STPG2: variants seen among roughly 807,000 people sequenced by gnomAD.
STPG2 encodes sperm tail PG-rich repeat containing 2.
STPG2 carries 56 observed loss-of-function variants against 54.2 expected under a neutral mutation model. That is an observed-to-expected ratio of 1.03 (90% confidence interval 0.83 to 1.29). The LOEUF (loss-of-function observed/expected upper bound fraction) is 1.29. STPG2 is among the 50% of genes most tolerant of loss of function. STPG2 has a pLI of 0.00. For missense variants in STPG2, 596 were observed against 544.9 expected (o/e 1.09, Z -0.93); for synonymous variants, 200 against 181.8 (o/e 1.10, Z -0.81).
At chr4:97,979,775 A>G (rs1734611632) in intron 6 of STPG2, among the ~76,000 whole-genome samples, 1 of 147,362 alleles carries the variant, frequency 6.8e-6, no homozygotes, top group South Asian at 2.2e-4. Flanking sequence ...GCCAGGCTGG[A>G]GTGCAGTGGC....
intron 5 of STPG2, among the ~76,000 whole-genome samples, chr4:98,096,049 G>T (rs192610588): frequency 6.6e-6 from 1 of 152,306 alleles, no homozygotes; most frequent in Non-Finnish European, 1.5e-5. Flanking sequence ...TAAGCAATAT[G>T]CTCCTTAATG....
intron 10 of STPG2, among the ~76,000 whole-genome samples, chr4:97,670,020 T>C (rs1375761411): frequency 1.3e-5 from 2 of 152,094 alleles, no homozygotes; most frequent in African/African-American, 2.4e-5. Context: ...TATTGCTATA[T>C]TCCTAACAAA....
intron 5 of STPG2, among the ~76,000 whole-genome samples, chr4:98,030,289 C>T (rs1050923428): frequency 2.0e-5 from 3 of 152,174 alleles, no homozygotes; most frequent in African/African-American, 7.2e-5. Flanking sequence ...GGCTTCTGCA[C>T]AGCTCACATA....
At chr4:98,102,594 C>G (rs1316197813) in intron 5 of STPG2, among the ~76,000 whole-genome samples, 1 of 151,950 alleles carries the variant, frequency 6.6e-6, no homozygotes, top group Non-Finnish European at 1.5e-5. Flanking sequence ...TGCTTCTGAA[C>G]ATTACCCTAT....
chr4:98,101,326 T>C (rs753462118), intron 5 of STPG2, among the ~76,000 whole-genome samples: 1 of 152,214 alleles, frequency 6.6e-6, no homozygotes, highest in Non-Finnish European at 1.5e-5. Context: ...ATTTTTCCCA[T>C]GCATTTTCTC....
intron 9 of STPG2, among the ~76,000 whole-genome samples, chr4:97,831,109 C>A (rs768610810): frequency 5.3e-5 from 8 of 152,108 alleles, no homozygotes; most frequent in Non-Finnish European, 1.0e-4. Flanking sequence ...CTAAAATTGA[C>A]CACATAATTG....
chr4:97,891,998 A>G (rs1490152682), intron 8 of STPG2, among the ~76,000 whole-genome samples: 1 of 151,968 alleles, frequency 6.6e-6, no homozygotes, highest in Non-Finnish European at 1.5e-5. Context: ...TTCTATTCCC[A>G]TGGTACCCCA....
intron 7 of STPG2, among the ~76,000 whole-genome samples, chr4:97,953,446 T>A (rs1244925616): frequency 6.6e-6 from 1 of 152,222 alleles, no homozygotes; most frequent in African/African-American, 2.4e-5. Context: ...CTTCTCCCAG[T>A]CTGCCTGTAA....
chr4:97,624,417 GTCT>G (rs1188887136), intron 10 of STPG2, among the ~76,000 whole-genome samples: 4 of 152,044 alleles, frequency 2.6e-5, no homozygotes, highest in Non-Finnish European at 5.9e-5. Flanking sequence ...CCGCATAAAT[GTCT>G]TCTTTTGAGA....
chr4:97,937,487 T>C (rs1732791518), intron 8 of STPG2, among the ~76,000 whole-genome samples: 1 of 152,216 alleles, frequency 6.6e-6, no homozygotes, highest in Non-Finnish European at 1.5e-5. Context: ...TTGCGGTTTT[T>C]TGTTAATTCT....
chr4:97,887,063 T>G (rs1323924376), intron 8 of STPG2, among the ~76,000 whole-genome samples: 1 of 152,330 alleles, frequency 6.6e-6, no homozygotes, highest in East Asian at 1.9e-4. Flanking sequence ...CCTGTGGAAC[T>G]GTGAGCCAAT....
chr4:97,455,359 G>A (rs1350708312), intron 4 of STPG2, among the ~76,000 whole-genome samples: 1 of 152,070 alleles, frequency 6.6e-6, no homozygotes, highest in African/African-American at 2.4e-5. Context: ...GGCCCACCAT[G>A]CCTCCAACCT....
At chr4:97,913,162 G>A (rs2149201733) in intron 8 of STPG2, among the ~76,000 whole-genome samples, 1 of 152,224 alleles carries the variant, frequency 6.6e-6, no homozygotes, top group South Asian at 2.1e-4. Flanking sequence ...GACAGAAACA[G>A]GCAATGAAGG....
intron 9 of STPG2, among the ~76,000 whole-genome samples, chr4:97,736,701 G>C (rs564522410): frequency 8.5e-5 from 13 of 152,330 alleles, no homozygotes; most frequent in Non-Finnish European, 1.6e-4. Flanking sequence ...AAACAAAGGA[G>C]CCGGGAAGCT....
chr4:97,972,553 T>G (rs1734369602), intron 6 of STPG2, 113 bp from the exon 7 acceptor site: 1 of 607,700 alleles, frequency 1.6e-6, no homozygotes. Context: ...CCTCACATAT[T>G]TCTGGCATAA....
intron 5 of STPG2, among the ~76,000 whole-genome samples, chr4:98,068,005 C>G (rs1467606284): frequency 6.6e-6 from 1 of 151,988 alleles, no homozygotes; most frequent in Non-Finnish European, 1.5e-5. Flanking sequence ...CCTAGATGAC[C>G]CAGGCGTCCA....
chr4:97,701,967 A>G (rs1171660420), intron 10 of STPG2, among the ~76,000 whole-genome samples: 9 of 152,178 alleles, frequency 5.9e-5, no homozygotes, highest in Non-Finnish European at 1.3e-4. Flanking sequence ...TACAGAGAAG[A>G]GCAATTACAG....
At chr4:97,563,093 A>G (rs1732307113) in intron 10 of STPG2, among the ~76,000 whole-genome samples, 1 of 152,018 alleles carries the variant, frequency 6.6e-6, no homozygotes, top group African/African-American at 2.4e-5. Context: ...TGTTTGGTAA[A>G]CTATTGATTA....
intron 5 of STPG2, among the ~76,000 whole-genome samples, chr4:98,067,435 T>C (rs921410733): frequency 5.9e-5 from 9 of 152,194 alleles, no homozygotes; most frequent in Non-Finnish European, 7.4e-5. Flanking sequence ...AAGATAAGTA[T>C]TTAAATGATT....
Sources: gnomAD v4.1 joint callset for allele counts (sites outside exome capture counted in the v4.1 genomes callset) on GRCh38, gnomAD v4.1.1 for gene constraint, MANE v1.5 for transcripts, NCBI Gene and HGNC (gene_info 2026-07-23, HGNC 2026-07-21) for gene names.